Variants in HTR1F observed in about 807,000 individuals in gnomAD.
HTR1F encodes 5-hydroxytryptamine (serotonin) receptor 1F, G protein-coupled.
Under a neutral mutation model 24.0 loss-of-function variants are expected in HTR1F, and 17 were observed. That is an observed-to-expected ratio of 0.71 (90% CI 0.48 to 1.06). The LOEUF (loss-of-function observed/expected upper bound fraction) is 1.06, where lower values mean the gene tolerates loss of function less well. Ranked by LOEUF, HTR1F falls within the 50% of genes least tolerant of loss-of-function variation. The pLI, the probability that HTR1F is intolerant of heterozygous loss-of-function variation, is 0.00. For missense variants in HTR1F, 391 were observed against 427.8 expected, an observed-to-expected ratio of 0.91 and a Z score of 0.76; for synonymous variants, 186 against 156.8, an observed-to-expected ratio of 1.19 and a Z score of -1.39.
chr3:87,934,356 G>T (rs1170410094), intron 2 of HTR1F, among the ~76,000 whole-genome samples: 1 of 152,080 alleles, frequency 6.6e-6, no homozygotes, highest in Admixed American at 6.6e-5. Context: ...CCCACCCTCT[G>T]TCCCCATTCC....
intron 2 of HTR1F, among the ~76,000 whole-genome samples, chr3:87,937,117 C>T (rs1040952770): frequency 1.3e-5 from 2 of 151,178 alleles, no homozygotes; most frequent in Non-Finnish European, 2.9e-5. Context: ...GGACTCCTCC[C>T]CAACTCATTC....
chr3:87,981,930 C>G (rs1705552259), intron 2 of HTR1F, among the ~76,000 whole-genome samples: 1 of 123,268 alleles, frequency 8.1e-6, no homozygotes, highest in Admixed American at 9.1e-5. Context: ...AATAAGAATG[C>G]CTTCTTCTTT....
chr3:87,959,818 A>G (rs1241863966), intron 2 of HTR1F, among the ~76,000 whole-genome samples: 3 of 151,362 alleles, frequency 2.0e-5, no homozygotes, highest in Admixed American at 1.3e-4. Context: ...ATAAGCATGA[A>G]TCAGTAACTT....
chr3:87,990,420 C>A (rs181602042), intron 2 of HTR1F, among the ~76,000 whole-genome samples: 2 of 152,270 alleles, frequency 1.3e-5, no homozygotes, highest in East Asian at 1.9e-4. Flanking sequence ...AAAACCAATT[C>A]TATAATGGCA....
intron 2 of HTR1F, among the ~76,000 whole-genome samples, chr3:87,899,311 G>A (rs1211304161): frequency 6.6e-6 from 1 of 152,022 alleles, no homozygotes; most frequent in Non-Finnish European, 1.5e-5. Flanking sequence ...CTTTTCTTTA[G>A]CCATCATAAA....
chr3:87,817,820 G>A (rs951074930), intron 1 of HTR1F, among the ~76,000 whole-genome samples: 1 of 152,074 alleles, frequency 6.6e-6, no homozygotes, highest in African/African-American at 2.4e-5. Context: ...TCATTTATTG[G>A]TTTGCCGATG....
At chr3:87,910,715 G>T (rs1361735885) in intron 2 of HTR1F, among the ~76,000 whole-genome samples, 1 of 151,880 alleles carries the variant, frequency 6.6e-6, no homozygotes, top group Non-Finnish European at 1.5e-5. Flanking sequence ...TGAACACACA[G>T]TCAGACATAA....
intron 2 of HTR1F, among the ~76,000 whole-genome samples, chr3:87,847,311 A>C (rs1704967141): frequency 1.3e-5 from 2 of 151,902 alleles, no homozygotes; most frequent in South Asian, 4.1e-4. Flanking sequence ...GACAATATAT[A>C]TCAATTACAT....
intron 1 of HTR1F, among the ~76,000 whole-genome samples, chr3:87,821,073 T>A (rs1392992988): frequency 6.6e-6 from 1 of 152,180 alleles, no homozygotes; most frequent in Non-Finnish European, 1.5e-5. Flanking sequence ...TCATACCAGT[T>A]GTGCTTTATT....
intron 1 of HTR1F, among the ~76,000 whole-genome samples, chr3:87,798,728 A>C (rs951101792): frequency 1.3e-5 from 2 of 152,196 alleles, no homozygotes; most frequent in Non-Finnish European, 2.9e-5. Flanking sequence ...TTATTAAATC[A>C]GAAGCTACTG....
At chr3:87,846,370 GTTGTTGCAGTGAGCCAAGA>G (rs1704944437) in intron 2 of HTR1F, among the ~76,000 whole-genome samples, 1 of 151,782 alleles carries the variant, frequency 6.6e-6, no homozygotes. Context: ...GGAGGCAGAG[GTTGTTGCAGTGAGCCAAGA>G]TTGTGCCACT....
intron 2 of HTR1F, among the ~76,000 whole-genome samples, chr3:87,945,313 T>C (rs1704671812): frequency 1.3e-5 from 2 of 152,142 alleles, no homozygotes; most frequent in South Asian, 2.1e-4. Flanking sequence ...AGCATAGAGC[T>C]TCCTTAGATC....
intron 2 of HTR1F, among the ~76,000 whole-genome samples, chr3:87,922,472 C>A (rs749804975): frequency 3.3e-5 from 5 of 151,886 alleles, no homozygotes; most frequent in Non-Finnish European, 5.9e-5. Context: ...ATTTCCTCTT[C>A]ACTCCGGTGA....
At chr3:87,899,692 G>A (rs1341219829) in intron 2 of HTR1F, among the ~76,000 whole-genome samples, 9 of 151,892 alleles carry the variant, frequency 5.9e-5, no homozygotes, top group South Asian at 2.1e-4. Flanking sequence ...GTGAAACCCC[G>A]TCCGTACTAA....
At chr3:87,976,598 T>C (rs145887173) in intron 2 of HTR1F, among the ~76,000 whole-genome samples, 19 of 152,326 alleles carry the variant, frequency 1.2e-4, no homozygotes, top group African/African-American at 4.1e-4. Flanking sequence ...ACCCTAAGCA[T>C]GTTATATTTT....
At chr3:87,868,893 T>C (rs993007130) in intron 2 of HTR1F, among the ~76,000 whole-genome samples, 11 of 152,032 alleles carry the variant, frequency 7.2e-5, no homozygotes, top group African/African-American at 2.7e-4. Context: ...GTCTTGACTT[T>C]TTAAATTATT....
Position 87,850,079 on chromosome 3 carries a change from AC to A in HTR1F, c.-43+27957del, listed in dbSNP as rs1464566995. On this transcript the variant is annotated intron_variant, in intron 2 of 2. Coordinates refer to ENST00000319595, the MANE Select transcript of HTR1F (RefSeq NM_001322209.2). ...TCCTCAGGGATCTAAAACTAGAAAT[AC>A]CGTTTGACCCAGCCATCCCATTACT... is the stretch of plus-strand genomic sequence containing the variant. 2.0e-5 allele frequency among the ~76,000 whole-genome samples: 3 copies of A among 152,038 alleles called. No homozygotes were observed. The East Asian group carries it at 5.8e-4, about 29-fold the overall frequency.
chr3:87,982,492 G>A (rs998089134), intron 2 of HTR1F, among the ~76,000 whole-genome samples: 3 of 152,162 alleles, frequency 2.0e-5, no homozygotes, highest in Non-Finnish European at 4.4e-5. Context: ...GGACTAAAAG[G>A]GAAAGAGCTC....
chr3:87,794,187 G>C (rs1423241071), intron 1 of HTR1F, among the ~76,000 whole-genome samples: 1 of 152,096 alleles, frequency 6.6e-6, no homozygotes, highest in Non-Finnish European at 1.5e-5. Context: ...GGGTATCCAC[G>C]CAGAAGCAAA....
Sources: allele counts gnomAD v4.1 joint callset (sites outside exome capture counted in the v4.1 genomes callset), GRCh38; gene constraint gnomAD v4.1.1; transcripts MANE v1.5; gene names NCBI Gene and HGNC (gene_info 2026-07-23, HGNC 2026-07-21).